The following ENPP1 variants were observed in gnomAD, a reference collection of about 807,000 sequenced individuals.
ENPP1 encodes the protein ectonucleotide pyrophosphatase/phosphodiesterase 1.
In ENPP1, 73 loss-of-function variants were observed where a neutral mutation model predicts 122.8. That is an observed-to-expected ratio of 0.59 (90% CI 0.49 to 0.72). The LOEUF (loss-of-function observed/expected upper bound fraction) is 0.72. ENPP1 is among the 30% of genes least tolerant of loss of function. ENPP1 has a pLI of 0.00. For synonymous variants in ENPP1, 367 were observed against 391.6 expected, an observed-to-expected ratio of 0.94 and a Z score of 0.74; for missense variants, 978 against 1,128.1, an observed-to-expected ratio of 0.87 and a Z score of 1.91.
Position 131,860,452 on chromosome 6 carries a change from C to G in ENPP1, c.861C>G (p.Ser287=). 1 of 1,588,260 alleles carries G rather than the reference C, an allele frequency of 6.3e-7. No individual in the cohort carries two copies. ...NKMYDPKMNA[S]FSLKSKEKFN... The stretch of plus-strand genomic sequence containing the variant: ...TGTATGATCCCAAAATGAATGCTTC[C>G]TTTTCACTTAAAAGTAAAGAGAAAT... Residue 287 remains serine (S), a synonymous_variant, in exon 8 of 25, where the codon TCC becomes TCG. Coordinates refer to ENST00000647893, the MANE Select transcript of ENPP1 (RefSeq NM_006208.3).
intron 12 of ENPP1, among the ~76,000 whole-genome samples, 167 bp downstream of exon 12, chr6:131,868,293 AAC>A (rs1452469322): frequency 2.0e-5 from 3 of 152,230 alleles, no homozygotes; most frequent in Non-Finnish European, 4.4e-5. Flanking sequence ...ATATAAGTGA[AAC>A]ACAGAATTCA....
In ENPP1 at chr6:131,847,838, T is replaced by C; in HGVS notation, c.303T>C (p.Cys101=). The part of the protein sequence containing the change: ...LGCIFGLKPS[C]AKEVKSCKGR... The stretch of plus-strand genomic sequence containing the variant: ...GTATATTTGGGTTGAAACCAAGCTG[T>C]GCCAAAGAAGGTAATTAGGTGTGTG... Residue 101 remains cysteine (C), a synonymous_variant, in exon 2 of 25, where the codon TGT becomes TGC. Transcript: ENST00000647893. 4 of 1,607,810 alleles carry C rather than the reference T, an allele frequency of 2.5e-6. No homozygotes were observed. Among genetic ancestry groups the C allele is most frequent in the Non-Finnish European group, 3.4e-6 (4 of 1,176,548 alleles).
intron 1 of ENPP1, chr6:131,826,938 A>T (rs1038011859): frequency 5.0e-6 from 2 of 402,426 alleles, no homozygotes; most frequent in East Asian, 1.2e-4. Context: ...CCATTTCAGG[A>T]TGCTTCAGGC....
chr6:131,868,729 C>T (rs929396727), intron 12 of ENPP1, among the ~76,000 whole-genome samples: 3 of 152,208 alleles, frequency 2.0e-5, no homozygotes, highest in Admixed American at 6.5e-5. Flanking sequence ...CATTAGCCAT[C>T]GTGCCCAGCC....
chr6:131,813,324 G>A (rs1367120719), intron 1 of ENPP1, among the ~76,000 whole-genome samples: 1 of 151,790 alleles, frequency 6.6e-6, no homozygotes, highest in Non-Finnish European at 1.5e-5. Context: ...GACCAACATG[G>A]TGAAACCCCT....
chr6:131,851,447 G>C, intron 4 of ENPP1, 180 bp downstream of exon 4: 18 of 653,826 alleles, frequency 2.8e-5, no homozygotes, highest in Non-Finnish European at 3.1e-5. Flanking sequence ...GGGAGAGAGA[G>C]TATGTAATGA....
chr6:131,869,606 A>G (rs1782134298), intron 13 of ENPP1, 117 bp downstream of exon 13: 2 of 992,996 alleles, frequency 2.0e-6, no homozygotes, highest in Non-Finnish European at 3.2e-6. Context: ...AAGTGGGTGG[A>G]TCACCTGAGG....
chr6:131,830,937 C>T (rs1781602843), intron 1 of ENPP1, among the ~76,000 whole-genome samples: 1 of 151,314 alleles, frequency 6.6e-6, no homozygotes, highest in Admixed American at 6.6e-5. Context: ...ATGATGAAAC[C>T]ACTGTCTCTA....
At chr6:131,856,491 T>C (rs1005660618) in intron 6 of ENPP1, among the ~76,000 whole-genome samples, 19 of 148,954 alleles carry the variant, frequency 1.3e-4, no homozygotes, top group African/African-American at 4.4e-4. Flanking sequence ...CTCTTTAGTT[T>C]AATTAGATCC....
In ENPP1 at chr6:131,839,364, G is replaced by A. The variant is rs568567564; in HGVS notation, c.241-8412G>A. On this transcript the variant is annotated intron_variant, in intron 1 of 24. Transcript: ENST00000647893. Reference sequence around the variant, plus strand: ...GTCTTAGGCTTACCTCCAATGACTGGTGAATCATGGTGGTTCATTTATATT... The same window carrying A: ...GTCTTAGGCTTACCTCCAATGACTGATGAATCATGGTGGTTCATTTATATT... Among the ~76,000 whole-genome samples the A allele has an allele frequency of 2.0e-4, 31 of 151,954 alleles. 1 individual carries two copies. The highest frequency in any genetic ancestry group is 1.9e-3 in the Admixed American group (29 of 15,272).
At position 131,893,603 on chromosome 6, in the gene ENPP1, TATA is replaced by T. The variant is rs1409249143; in HGVS notation, c.*3098_*3100del. 2.0e-4 allele frequency: 30 copies of T among 152,254 alleles called. No individual in the cohort carries two copies. Among genetic ancestry groups the T allele is most frequent in the African/African-American group, 7.0e-4 (29 of 41,472 alleles). 9.4% of individuals were successfully genotyped at this position (152,254 alleles called of 1,614,324 possible). ...GTACACATACTTTTTCTTGCTTAGT[TATA>T]ATAATCTGTTCTTAAAGAAAATGTC... On this transcript the variant is annotated 3_prime_UTR_variant, in exon 25 of 25. Transcript: ENST00000647893.
At chr6:131,874,231 G>T (rs1267493967) in intron 15 of ENPP1, 37 bp from the exon 16 acceptor site, 2 of 1,113,450 alleles carry the variant, frequency 1.8e-6, no homozygotes, top group South Asian at 1.3e-5. Flanking sequence ...TTTTATGAAA[G>T]GACTTTACAT....
intron 1 of ENPP1, chr6:131,828,563 C>T (rs535630022): frequency 2.9e-5 from 5 of 173,570 alleles, no homozygotes; most frequent in Admixed American, 2.5e-4. Context: ...CCAACTGGAA[C>T]CCTGCAATTA....
At chr6:131,817,932 T>G (rs971605778) in intron 1 of ENPP1, among the ~76,000 whole-genome samples, 1 of 152,172 alleles carries the variant, frequency 6.6e-6, no homozygotes, top group Non-Finnish European at 1.5e-5. Context: ...TTCAGGACTT[T>G]GCACAGACTT....
rs567743020 is a variant in ENPP1, at chr6:131,861,597, T to A, written c.918T>A (p.Ile306=). The A allele has an allele frequency of 1.9e-6, 3 of 1,600,626 alleles. No individual in the cohort carries two copies. In the Admixed American group the frequency reaches 5.0e-5, roughly 27 times the overall value. Residue 306 remains isoleucine (I), a splice_region_variant and synonymous_variant, in exon 9 of 25, where the codon ATT becomes ATA. Coordinates refer to ENST00000647893, the MANE Select transcript of ENPP1 (RefSeq NM_006208.3). Reference sequence around the variant, plus strand: ...TTTTCCTTCATTTTCTGCTCCAGATTTGGGTCACAGCTAAGTATCAAGGCC... The same window carrying A: ...TTTTCCTTCATTTTCTGCTCCAGATATGGGTCACAGCTAAGTATCAAGGCC... The part of the protein sequence containing the change: ...FNPEWYKGEP[I]WVTAKYQGLK...
rs994751506 is a variant in ENPP1 at position 131,892,421 on chromosome 6, T to G, written c.*1910T>G. On this transcript the variant is annotated 3_prime_UTR_variant, in exon 25 of 25. Coordinates refer to ENST00000647893, the MANE Select transcript of ENPP1 (RefSeq NM_006208.3). ...CATTACTACTGGGCAAGGTGAGAATTCAGTTTCCCATTAGGTCTTTATTGA... is the reference window on the plus strand; with the variant it reads ...CATTACTACTGGGCAAGGTGAGAATGCAGTTTCCCATTAGGTCTTTATTGA... 2 of 152,142 alleles carry G rather than the reference T, an allele frequency of 1.3e-5. No homozygotes were observed. Among genetic ancestry groups the G allele is most frequent in the Non-Finnish European group, 2.9e-5 (2 of 68,046 alleles). 9.4% of individuals were successfully genotyped at this position (152,142 alleles called of 1,614,324 possible).
At chr6:131,819,340 C>T (rs1040651165) in intron 1 of ENPP1, among the ~76,000 whole-genome samples, 2 of 152,092 alleles carry the variant, frequency 1.3e-5, no homozygotes, top group African/African-American at 2.4e-5. Flanking sequence ...AATTCAAGAG[C>T]ACAGATATAT....
In ENPP1 at chr6:131,874,385, G is replaced by T. The variant is rs778032618; in HGVS notation, c.1635+48G>T. 1.5e-5 allele frequency: 16 copies of T among 1,057,426 alleles called. No individual in the cohort carries two copies. In the East Asian group the frequency reaches 3.3e-4, roughly 22 times the overall value. 65.5% of individuals were successfully genotyped at this position (1,057,426 alleles called of 1,614,324 possible). Reference sequence around the variant, plus strand: ...ATTGGATTAAATCTAAAGAAAAAATGATATGCAAAGTTTTAGACTTGAAAA... The same window carrying T: ...ATTGGATTAAATCTAAAGAAAAAATTATATGCAAAGTTTTAGACTTGAAAA... On this transcript the variant is annotated intron_variant, in intron 16 of 24. Coordinates refer to ENST00000647893, the MANE Select transcript of ENPP1 (RefSeq NM_006208.3).
Position 131,890,805 on chromosome 6 carries a change from G to C in ENPP1, c.*294G>C, listed in dbSNP as rs998984241. 7 of 403,918 alleles carry C rather than the reference G, an allele frequency of 1.7e-5. No homozygotes were observed. Among genetic ancestry groups the C allele is most frequent in the Middle Eastern group, 7.3e-4 (1 of 1,370 alleles). The allele number at this position is 403,918 out of a possible 1,614,324, so 25.0% of individuals were successfully genotyped here. A position where few individuals can be genotyped will look rare whatever the true frequency, so the allele number is the denominator to read the frequency against. The stretch of plus-strand genomic sequence containing the variant: ...TTCTGCTTCTCTTAAAGGAGAAGTA[G>C]CTGTGAACATTGTCTGGATACCAGA... On this transcript the variant is annotated 3_prime_UTR_variant, in exon 25 of 25. Coordinates refer to ENST00000647893, the MANE Select transcript of ENPP1 (RefSeq NM_006208.3).
Sources: allele counts gnomAD v4.1 joint callset (sites outside exome capture counted in the v4.1 genomes callset), GRCh38; gene constraint gnomAD v4.1.1; transcripts MANE v1.5; gene names NCBI Gene and HGNC (gene_info 2026-07-23, HGNC 2026-07-21).